Variants in FUT8 observed in about 807,000 individuals in gnomAD.
The protein encoded by FUT8 is alpha-(1,6)-fucosyltransferase.
A neutral mutation model predicts 71.3 loss-of-function variants in FUT8; 29 were observed. The ratio of observed to expected loss-of-function variants is 0.41; its 90% CI spans 0.30 to 0.55. FUT8 has a LOEUF of 0.55. Among genes scored for constraint, FUT8 ranks in the 20% least tolerant of loss-of-function variants. FUT8 has a pLI of 0.34. For missense variants in FUT8, 544 were observed against 702.1 expected (o/e 0.77, Z 2.55); for synonymous variants, 254 against 239.3 (o/e 1.06, Z -0.57).
intron 3 of FUT8, among the ~76,000 whole-genome samples, chr14:65,563,037 A>G (rs576990124): frequency 5.9e-5 from 9 of 152,126 alleles, no homozygotes; most frequent in African/African-American, 1.4e-4. Flanking sequence ...TTGAAAGACA[A>G]TGCTACGTGT....
At chr14:65,597,849 A>G (rs1454456771) in intron 3 of FUT8, among the ~76,000 whole-genome samples, 1 of 151,936 alleles carries the variant, frequency 6.6e-6, no homozygotes, top group African/African-American at 2.4e-5. Context: ...GCCATCTCAC[A>G]GTGAATTTGT....
In FUT8 at chr14:65,638,636, A is replaced by T. The variant is rs1890686016; in HGVS notation, c.597+9030A>T. On this transcript the variant is annotated intron_variant, in intron 6 of 10. Coordinates refer to ENST00000673929, the MANE Select transcript of FUT8 (RefSeq NM_001371533.1). The surrounding 1 kb of genome is among the most constrained non-coding windows in gnomAD (Gnocchi z 4.5). ...GGATACATTATTGAGGCTATTAAAC[A>T]TACATTTCAGCTTATGGAACCCCTC... 6.6e-6 allele frequency among the ~76,000 whole-genome samples: 1 copy of T among 152,204 alleles called. No homozygotes were observed. The highest frequency in any genetic ancestry group is 2.4e-5 in the African/African-American group (1 of 41,438).
At chr14:65,383,265 CTTTTTTTTTTTTTTTTTTTT>C in the FUT8 span, among the ~76,000 whole-genome samples, 1 of 86,514 alleles carries the variant, frequency 1.2e-5, no homozygotes, top group African/African-American at 4.1e-5. Context: ...TTTTTCTTTT[CTTTTTTTTTTTTTTTTTTTT>C]TTTTTTTGAA....
At chr14:65,606,389 A>G (rs532774182) in intron 3 of FUT8, among the ~76,000 whole-genome samples, 1 of 151,780 alleles carries the variant, frequency 6.6e-6, no homozygotes, top group South Asian at 2.1e-4. Flanking sequence ...AAAATTTTTA[A>G]GTTTTAAGGC....
chr14:65,714,501 T>C (rs1894957290), intron 7 of FUT8, among the ~76,000 whole-genome samples: 1 of 151,942 alleles, frequency 6.6e-6, no homozygotes, highest in South Asian at 2.1e-4. Context: ...AAGGTTGGTC[T>C]CAAACCCTTG....
Position 65,669,747 on chromosome 14 carries a change from AATGAT to A in FUT8, c.835+272_835+276del, listed in dbSNP as rs1259810663. Among the ~76,000 whole-genome samples, 2 of 152,226 alleles carry A rather than the reference AATGAT, an allele frequency of 1.3e-5. No homozygotes were observed. Among genetic ancestry groups the A allele is most frequent in the East Asian group, 3.8e-4 (2 of 5,202 alleles). On this transcript the variant is annotated intron_variant, in intron 7 of 10. Coordinates refer to ENST00000673929, the MANE Select transcript of FUT8 (RefSeq NM_001371533.1). This position sits in a 1 kb window ranked among gnomAD's most constrained non-coding sequence, Gnocchi z 4.5. Reference sequence around the variant, plus strand: ...GAGCATAATTTAATCTTTTAATAATAATGATATGACTTTCACTCTATAAGATGATT... The same window carrying A: ...GAGCATAATTTAATCTTTTAATAATAATGACTTTCACTCTATAAGATGATT...
upstream of FUT8, among the ~76,000 whole-genome samples, chr14:65,406,730 G>A (rs1451992931): frequency 6.6e-6 from 1 of 152,086 alleles, no homozygotes; most frequent in Non-Finnish European, 1.5e-5. Context: ...TAGAGACAGA[G>A]TTTCACCATG....
intron 7 of FUT8, among the ~76,000 whole-genome samples, chr14:65,685,109 G>A (rs559497303): frequency 1.3e-5 from 2 of 152,218 alleles, no homozygotes; most frequent in South Asian, 4.1e-4. Context: ...TTAGGCTAGT[G>A]ACTACCAGAA....
intron 2 of FUT8, among the ~76,000 whole-genome samples, chr14:65,464,380 A>T (rs930461303): frequency 3.3e-5 from 5 of 150,232 alleles, no homozygotes; most frequent in Non-Finnish European, 7.4e-5. Context: ...ATTAGCTAGG[A>T]TGTCCAGTAT....
intron 10 of FUT8, among the ~76,000 whole-genome samples, chr14:65,736,086 A>G (rs1002437621): frequency 2.6e-5 from 4 of 152,116 alleles, no homozygotes; most frequent in African/African-American, 7.2e-5. Context: ...ACTTTGACCA[A>G]TTACTGGCTG....
In FUT8 at chr14:65,525,433, G is replaced by A. The variant is rs149325629; in HGVS notation, c.-227-35904G>A. Among the ~76,000 whole-genome samples, 705 of 152,088 alleles carry A rather than the reference G, an allele frequency of 4.6e-3. 4 individuals are homozygous for A. The highest frequency in any genetic ancestry group is 0.016 in the African/African-American group (655 of 41,488). On this transcript the variant is annotated intron_variant, in intron 2 of 10. Transcript: ENST00000673929. ...TATCCCCTTTATCATTTTTTATTGCGTCCATTTGATTCTTCTCTCTTTACT... is the reference window on the plus strand; with the variant it reads ...TATCCCCTTTATCATTTTTTATTGCATCCATTTGATTCTTCTCTCTTTACT...
the FUT8 span, among the ~76,000 whole-genome samples, chr14:65,377,966 A>G: frequency 6.6e-6 from 1 of 152,226 alleles, no homozygotes; most frequent in African/African-American, 2.4e-5. Flanking sequence ...GGCTGTTTCC[A>G]AAGGAGGGAG....
At chr14:65,475,141 G>A (rs189309700) in intron 2 of FUT8, among the ~76,000 whole-genome samples, 62 of 151,870 alleles carry the variant, frequency 4.1e-4, no homozygotes, top group African/African-American at 1.4e-3. Flanking sequence ...CTCAACAAGC[G>A]TAGTTAACAA....
At chr14:65,400,893 A>G in the FUT8 span, among the ~76,000 whole-genome samples, 63 of 152,306 alleles carry the variant, frequency 4.1e-4, no homozygotes, top group South Asian at 0.012. Flanking sequence ...TCAAAAAAAA[A>G]GGGCTGTCTT....
the FUT8 span, among the ~76,000 whole-genome samples, chr14:65,385,323 T>G: frequency 1.3e-5 from 2 of 150,640 alleles, no homozygotes. Context: ...AAAAAAACTT[T>G]TCTTTAATTT....
At chr14:65,406,710 A>C (rs952121345), upstream of FUT8, among the ~76,000 whole-genome samples, 1 of 151,842 alleles carries the variant, frequency 6.6e-6, no homozygotes, top group African/African-American at 2.4e-5. Context: ...TAATTTTTGT[A>C]TTTTTTTAGT....
intron 2 of FUT8, among the ~76,000 whole-genome samples, chr14:65,480,714 G>A (rs1258882865): frequency 6.6e-6 from 1 of 150,902 alleles, no homozygotes; most frequent in Non-Finnish European, 1.5e-5. Flanking sequence ...TTTTTTAAAT[G>A]GAGTCTCACT....
the FUT8 span, among the ~76,000 whole-genome samples, chr14:65,364,908 T>C: frequency 6.6e-6 from 1 of 152,186 alleles, no homozygotes; most frequent in African/African-American, 2.4e-5. Flanking sequence ...GTGTCTTCTC[T>C]GTGAGCCGGG....
chr14:65,461,997 G>A (rs2065975519), intron 2 of FUT8, among the ~76,000 whole-genome samples: 1 of 152,184 alleles, frequency 6.6e-6, no homozygotes, highest in African/African-American at 2.4e-5. Context: ...CAAAAGAACA[G>A]TCTGTGGGAC....
Sources: gnomAD v4.1 joint callset for allele counts (sites outside exome capture counted in the v4.1 genomes callset) on GRCh38, gnomAD v4.1.1 for gene constraint, Gnocchi (gnomAD v3.1) non-coding constraint, MANE v1.5 for transcripts, NCBI Gene and HGNC (gene_info 2026-07-23, HGNC 2026-07-21) for gene names.